The following ZNF484 variants were observed in gnomAD, a reference collection of about 807,000 sequenced individuals.
ZNF484 encodes the protein KRAB box containing C2H2 type zinc finger bA526D8.4.
ZNF484 carries 11 observed loss-of-function variants against 12.9 expected under a neutral mutation model. That is an observed-to-expected ratio of 0.85 (90% CI 0.54 to 1.41). ZNF484 has a LOEUF of 1.41. Ranked by LOEUF, ZNF484 falls within the 40% of genes most tolerant of loss-of-function variation. The pLI, the probability that ZNF484 is intolerant of heterozygous loss-of-function variation, is 0.00. For synonymous variants in ZNF484, 289 were observed against 334.1 expected, an observed-to-expected ratio of 0.86 and a Z score of 1.47; for missense variants, 807 against 1,007.7, an observed-to-expected ratio of 0.80 and a Z score of 2.70.
chr9:92,860,287 A>G (rs1856700229), intron 2 of ZNF484, among the ~76,000 whole-genome samples: 1 of 152,160 alleles, frequency 6.6e-6, no homozygotes, highest in African/African-American at 2.4e-5. Flanking sequence ...TCTTTGGGCA[A>G]AGTTAATCCT....
intron 2 of ZNF484, among the ~76,000 whole-genome samples, chr9:92,873,812 TA>T (rs1857606093): frequency 6.7e-6 from 1 of 150,204 alleles, no homozygotes; most frequent in East Asian, 2.0e-4. Flanking sequence ...TCGTGATACC[TA>T]AACCAGAAAT....
chr9:92,877,885 C>G lies in ZNF484; in HGVS notation c.-31+5G>C, dbSNP rs771243894. Reference sequence around the variant, plus strand: ...GTCCACAGATGCTGCCATCCCTCTACTCACCTGCCCCTCACCCACGTCCTC... The same window carrying G: ...GTCCACAGATGCTGCCATCCCTCTAGTCACCTGCCCCTCACCCACGTCCTC... On this transcript the variant is annotated splice_donor_5th_base_variant and intron_variant, in intron 1 of 4. Transcript: ENST00000375495. 2 of 1,535,606 alleles carry G rather than the reference C, an allele frequency of 1.3e-6. No homozygotes were observed. The highest frequency in any genetic ancestry group is 2.4e-5 in the South Asian group (2 of 84,056).
chr9:92,853,753 A>G (rs1325380604), intron 4 of ZNF484, among the ~76,000 whole-genome samples: 1 of 152,214 alleles, frequency 6.6e-6, no homozygotes, highest in Non-Finnish European at 1.5e-5. Context: ...GAAGAGGAGA[A>G]AGACCCCTGT....
Position 92,844,252 on chromosome 9 carries a change from T to G in ZNF484, c.*1976A>C, listed in dbSNP as rs1855469342. Among the ~76,000 whole-genome samples, 1 of 152,140 alleles carries G rather than the reference T, an allele frequency of 6.6e-6. No homozygotes were observed. The highest frequency in any genetic ancestry group is 1.5e-5 in the Non-Finnish European group (1 of 68,024). On this transcript the variant is annotated 3_prime_UTR_variant, in exon 5 of 5. Transcript: ENST00000375495. Reference sequence around the variant, plus strand: ...AATCACCATATGAGGAGATAGGACATCAGCAAAATTCAAGAAAAATAACCA... The same window carrying G: ...AATCACCATATGAGGAGATAGGACAGCAGCAAAATTCAAGAAAAATAACCA...
At chr9:92,857,593 T>C (rs1262300906) in intron 2 of ZNF484, among the ~76,000 whole-genome samples, 1 of 152,176 alleles carries the variant, frequency 6.6e-6, no homozygotes, top group African/African-American at 2.4e-5. Context: ...AAAAGGGCTC[T>C]CAGCTGAAAA....
intron 1 of ZNF484, among the ~76,000 whole-genome samples, chr9:92,877,360 TTAAA>T (rs1217326783): frequency 6.6e-6 from 1 of 152,058 alleles, no homozygotes; most frequent in Non-Finnish European, 1.5e-5. Context: ...TTGATTCTTT[TTAAA>T]TAGAGAAAGA....
In ZNF484 at chr9:92,848,247, C is replaced by T. The variant is rs369032768; in HGVS notation, c.540G>A (p.Ser180=). 4.2e-5 allele frequency: 67 copies of T among 1,614,152 alleles called. No homozygotes were observed. The African/African-American group carries it at 4.8e-4, about 12-fold the overall frequency. ...SSRKRPHNCN[S]CGKNLEPIIT... is the part of the protein sequence containing the mutation. ...TGATAGGCTCCAAATTCTTTCCACA[C>T]GAGTTACAGTTATGGGGTCTTTTTC... The change falls in exon 5 of 5, where the codon TCG becomes TCA. Residue 180 remains serine (S), a synonymous_variant. Transcript: ENST00000375495. This position sits in a 1 kb window ranked among gnomAD's most constrained non-coding sequence, Gnocchi z 4.1.
chr9:92,876,809 C>G (rs934405585), intron 1 of ZNF484, among the ~76,000 whole-genome samples: 8 of 152,190 alleles, frequency 5.3e-5, no homozygotes, highest in Middle Eastern at 3.4e-3. Flanking sequence ...TTTATTGTAT[C>G]TCCTCCAGAA....
At position 92,846,184 on chromosome 9, in the gene ZNF484, G is replaced by T; in HGVS notation, c.*44C>A. ...CTCTCAAAAGTGTCTCCCCATATGT[G>T]TAACTACACATCAGCTATATGATCC... On this transcript the variant is annotated 3_prime_UTR_variant, in exon 5 of 5. Transcript: ENST00000375495. The T allele has an allele frequency of 6.4e-7, 1 of 1,573,274 alleles. No individual in the cohort carries two copies. Among genetic ancestry groups the T allele is most frequent in the East Asian group, 2.2e-5 (1 of 44,660 alleles).
chr9:92,852,928 G>T lies in ZNF484; in HGVS notation c.235+2883C>A, dbSNP rs1405382820. On this transcript the variant is annotated intron_variant, in intron 4 of 4. Transcript: ENST00000375495. ...AGAATTAAAGAAAATCTTAAAATAGGATAGAAATGGTTATAGAAAACAGGG... is the reference window on the plus strand; with the variant it reads ...AGAATTAAAGAAAATCTTAAAATAGTATAGAAATGGTTATAGAAAACAGGG... 1.3e-5 allele frequency among the ~76,000 whole-genome samples: 2 copies of T among 152,210 alleles called. 1 individual carries two copies. Among genetic ancestry groups the T allele is most frequent in the Admixed American group, 1.3e-4 (2 of 15,286 alleles).
intron 4 of ZNF484, among the ~76,000 whole-genome samples, chr9:92,850,053 G>T (rs192138581): frequency 6.6e-6 from 1 of 152,094 alleles, no homozygotes; most frequent in Non-Finnish European, 1.5e-5. Flanking sequence ...TGTCCGCCTC[G>T]GCCTCCCAAA....
chr9:92,877,338 C>A (rs773288469), intron 1 of ZNF484, among the ~76,000 whole-genome samples: 1 of 151,788 alleles, frequency 6.6e-6, no homozygotes, highest in Non-Finnish European at 1.5e-5. Context: ...AACAGATAAA[C>A]CTTTCAGACG....
rs368725227 is a variant in ZNF484 at position 92,847,923 on chromosome 9, G to C, written c.864C>G (p.Phe288Leu). The C allele has an allele frequency of 2.2e-5, 36 of 1,614,096 alleles. No homozygotes were observed. The highest frequency in any genetic ancestry group is 3.0e-5 in the Non-Finnish European group (35 of 1,180,054). ...QHECHECEAVFTQKSQLDGSQ... is the reference protein window; with the variant it reads ...QHECHECEAVLTQKSQLDGSQ... ...TGCCATCAAGCTGGGACTTCTGAGT[G>C]AAGACTGCCTCACATTCATGGCATT... The change falls in exon 5 of 5, where the codon TTC becomes TTG. Residue 288 changes from phenylalanine (F) to leucine (L), a missense_variant. Phe to Leu is a conservative substitution (Grantham distance 22, BLOSUM62 0). Coordinates refer to ENST00000375495, the MANE Select transcript of ZNF484 (RefSeq NM_031486.4).
In ZNF484 at chr9:92,875,019, G is replaced by GACT. The variant is rs748509609; in HGVS notation, c.8_10dup (p.Lys3_Ser4insTer). 2.5e-6 allele frequency: 4 copies of GACT among 1,613,890 alleles called. No individual in the cohort carries two copies. The South Asian group carries it at 4.4e-5, about 18-fold the overall frequency. Reference sequence around the variant, plus strand: ...GATGAACAAATAAGAACTCACCAGGGACTTGGTCATTTTTGGCTCTTCGGA... The same window carrying GACT: ...GATGAACAAATAAGAACTCACCAGGGACTACTTGGTCATTTTTGGCTCTTCGGA... On this transcript the variant is annotated stop_gained, in exon 2 of 5. Coordinates refer to ENST00000375495, the MANE Select transcript of ZNF484 (RefSeq NM_031486.4). LOFTEE classifies it high-confidence loss of function.
intron 2 of ZNF484, among the ~76,000 whole-genome samples, chr9:92,870,927 T>C (rs1015207736): frequency 5.3e-5 from 8 of 152,072 alleles, no homozygotes; most frequent in African/African-American, 1.9e-4. Flanking sequence ...CACCTGGCAG[T>C]AGTACAGCAA....
chr9:92,857,302 A>G (rs1856523789), intron 2 of ZNF484, among the ~76,000 whole-genome samples: 1 of 152,152 alleles, frequency 6.6e-6, no homozygotes, highest in African/African-American at 2.4e-5. Flanking sequence ...GCATTTACCA[A>G]TTCTGGCTGT....
In ZNF484 at chr9:92,875,016, AGGGACTT is replaced by A. The variant is rs779437412; in HGVS notation, c.7_13del (p.Lys3TrpfsTer9). The stretch of plus-strand genomic sequence containing the variant: ...ACAGATGAACAAATAAGAACTCACC[AGGGACTT>A]GGTCATTTTTGGCTCTTCGGACAAA... On this transcript the variant is annotated frameshift_variant and splice_region_variant, in exon 2 of 5. Transcript: ENST00000375495. LOFTEE classifies it high-confidence loss of function. The A allele has an allele frequency of 6.8e-6, 11 of 1,614,024 alleles. 1 individual carries two copies. The South Asian group carries it at 1.1e-4, about 16-fold the overall frequency.
chr9:92,847,848 G>A lies in ZNF484; in HGVS notation c.939C>T (p.Ser313=). The A allele has an allele frequency of 6.2e-7, 1 of 1,614,100 alleles. No individual in the cohort carries two copies. Among genetic ancestry groups the A allele is most frequent in the Non-Finnish European group, 8.5e-7 (1 of 1,180,022 alleles). ...GICTEYEKDF[S]LKSNRQKTPY... ...GAGTTTTCTGACGGTTTGACTTGAG[G>A]GAAAAATCCTTCTCATATTCAGTGC... Residue 313 remains serine, a synonymous_variant, in exon 5 of 5, where the codon TCC becomes TCT. Coordinates refer to ENST00000375495, the MANE Select transcript of ZNF484 (RefSeq NM_031486.4).
At chr9:92,867,879 G>T (rs1407429180) in intron 2 of ZNF484, among the ~76,000 whole-genome samples, 1 of 152,130 alleles carries the variant, frequency 6.6e-6, no homozygotes, top group African/African-American at 2.4e-5. Context: ...TGAAACTGAG[G>T]GTGGTCTTGG....
Sources: gnomAD v4.1 joint callset for allele counts (sites outside exome capture counted in the v4.1 genomes callset) on GRCh38, gnomAD v4.1.1 for gene constraint, Gnocchi (gnomAD v3.1) non-coding constraint, MANE v1.5 for transcripts, NCBI Gene and HGNC (gene_info 2026-07-23, HGNC 2026-07-21) for gene names.